The following SCAI variants were observed in gnomAD, a reference collection of about 807,000 sequenced individuals.
SCAI encodes suppressor of cancer cell invasion.
In SCAI, 24 loss-of-function variants were observed where a neutral mutation model predicts 92.2. The observed-to-expected ratio is 0.26, with a 90% CI of 0.19 to 0.37. The LOEUF (loss-of-function observed/expected upper bound fraction) is 0.37, where lower values mean the gene tolerates loss of function less well. Ranked by LOEUF, SCAI falls within the 10% of genes least tolerant of loss-of-function variation. The pLI, the probability that SCAI is intolerant of heterozygous loss-of-function variation, is 1.00. For synonymous variants in SCAI, 261 were observed against 258.6 expected (o/e 1.01, Z -0.09); for missense variants, 450 against 736.2 (o/e 0.61, Z 4.50).
chr9:125,061,894 GA>G (rs1298439400), intron 2 of SCAI, among the ~76,000 whole-genome samples: 7 of 151,794 alleles, frequency 4.6e-5, no homozygotes, highest in Admixed American at 4.6e-4. Flanking sequence ...AGAGATATAG[GA>G]AAAAAATATA....
chr9:124,961,507 G>A (rs564608387), intron 17 of SCAI, among the ~76,000 whole-genome samples: 6 of 151,590 alleles, frequency 4.0e-5, no homozygotes, highest in Non-Finnish European at 7.4e-5. Flanking sequence ...AAAATTAGCT[G>A]GGCGTGGTGG....
intron 9 of SCAI, among the ~76,000 whole-genome samples, chr9:125,012,609 A>G (rs1832662436): frequency 6.6e-6 from 1 of 152,042 alleles, no homozygotes; most frequent in Non-Finnish European, 1.5e-5. Flanking sequence ...TGTCAACATT[A>G]GACAGATCAA....
intron 9 of SCAI, among the ~76,000 whole-genome samples, chr9:125,011,952 A>T (rs868285128): frequency 5.3e-5 from 8 of 152,318 alleles, no homozygotes; most frequent in African/African-American, 1.4e-4. Context: ...GTGAAGGAGA[A>T]ATAAAATACT....
At chr9:125,064,632 G>T (rs1833840812) in intron 2 of SCAI, among the ~76,000 whole-genome samples, 1 of 152,002 alleles carries the variant, frequency 6.6e-6, no homozygotes, top group Admixed American at 6.6e-5. Context: ...GATCACCTGG[G>T]GTCAGGAGTT....
intron 17 of SCAI, among the ~76,000 whole-genome samples, chr9:124,962,093 C>G (rs1831447013): frequency 6.8e-6 from 1 of 147,344 alleles, no homozygotes; most frequent in African/African-American, 2.5e-5. Flanking sequence ...AGATCCTTCA[C>G]TTTCCTTTTG....
intron 5 of SCAI, 25 bp from the exon 6 acceptor site, chr9:125,026,935 A>C: frequency 7.3e-7 from 1 of 1,361,528 alleles, no homozygotes. Context: ...ATATTTTTAA[A>C]TATGACAGTG....
rs77222106 is a variant in SCAI, at chr9:125,076,359, C to T, written c.99-20352G>A. 0.018 allele frequency among the ~76,000 whole-genome samples: 2,750 copies of T among 151,698 alleles called. 155 individuals are homozygous for T. The East Asian group carries it at 0.22, about 12-fold the overall frequency. ...ACTAAAAATACAATAATTAGCCAGG[C>T]GTGGTGGCACGCGCCTGTAATCCCA... On this transcript the variant is annotated intron_variant, in intron 2 of 17. Coordinates refer to ENST00000336505, the MANE Select transcript of SCAI (RefSeq NM_001144877.3).
At chr9:124,965,210 C>G (rs1288210822) in intron 17 of SCAI, among the ~76,000 whole-genome samples, 1 of 152,052 alleles carries the variant, frequency 6.6e-6, no homozygotes, top group Non-Finnish European at 1.5e-5. Context: ...TGCTTTTTCT[C>G]AAATCATAAT....
chr9:125,066,942 C>T (rs1251777983), intron 2 of SCAI, among the ~76,000 whole-genome samples: 5 of 152,134 alleles, frequency 3.3e-5, no homozygotes. Flanking sequence ...ACAGGCTATA[C>T]CGTGAAGCCT....
chr9:125,111,074 A>C (rs2131231975), intron 2 of SCAI, among the ~76,000 whole-genome samples: 1 of 152,346 alleles, frequency 6.6e-6, no homozygotes, highest in Non-Finnish European at 1.5e-5. Flanking sequence ...AAACCTGAAG[A>C]AGGGCAGTGT....
At chr9:124,953,906 T>A (rs1831273620) in intron 17 of SCAI, among the ~76,000 whole-genome samples, 1 of 152,222 alleles carries the variant, frequency 6.6e-6, no homozygotes, top group Non-Finnish European at 1.5e-5. Context: ...AAAATCTCAC[T>A]GTGTTGCCCA....
chr9:125,085,201 T>C (rs1834302254), intron 2 of SCAI, among the ~76,000 whole-genome samples: 1 of 152,104 alleles, frequency 6.6e-6, no homozygotes, highest in Non-Finnish European at 1.5e-5. Flanking sequence ...TAAAATCAAA[T>C]AACAGACGGG....
chr9:124,973,570 C>T (rs1377505745), intron 15 of SCAI, among the ~76,000 whole-genome samples: 2 of 152,190 alleles, frequency 1.3e-5, no homozygotes, highest in African/African-American at 4.8e-5. Context: ...CGGTGGCTCA[C>T]GCCTGTAATC....
At chr9:125,038,874 C>A (rs921373355) in intron 3 of SCAI, among the ~76,000 whole-genome samples, 1 of 152,206 alleles carries the variant, frequency 6.6e-6, no homozygotes, top group Admixed American at 6.5e-5. Context: ...TCCTGAACAT[C>A]TTTCTTGCTT....
At chr9:124,975,177 G>C in intron 15 of SCAI, 1 of 352,058 alleles carries the variant, frequency 2.8e-6, no homozygotes, top group Admixed American at 3.7e-5. Context: ...CTATCCCTTA[G>C]TAATTTTACT....
At chr9:125,104,240 T>C (rs1355390627) in intron 2 of SCAI, among the ~76,000 whole-genome samples, 1 of 152,186 alleles carries the variant, frequency 6.6e-6, no homozygotes. Context: ...TTCTTCCTAT[T>C]ATATTAAAAC....
rs1253515153 is a variant in SCAI at position 124,946,929 on chromosome 9, A to AC, written c.*5877dup. The AC allele has an allele frequency of 6.6e-6, 1 of 152,188 alleles. No homozygotes were observed. Among genetic ancestry groups the AC allele is most frequent in the Non-Finnish European group, 1.5e-5 (1 of 68,044 alleles). 9.4% of individuals were successfully genotyped at this position (152,188 alleles called of 1,614,324 possible). On this transcript the variant is annotated 3_prime_UTR_variant, in exon 18 of 18. Transcript: ENST00000336505. This position sits in a 1 kb window ranked among gnomAD's most constrained non-coding sequence, Gnocchi z 4.0. Reference sequence around the variant, plus strand: ...AAAATCTGTAGCCGGAAATGCCAAGACAGGACTAAATTAATCATAGCTGCT... The same window carrying AC: ...AAAATCTGTAGCCGGAAATGCCAAGACCAGGACTAAATTAATCATAGCTGCT...
chr9:125,017,931 C>T (rs187311113), intron 9 of SCAI, among the ~76,000 whole-genome samples: 80 of 151,802 alleles, frequency 5.3e-4, no homozygotes, highest in African/African-American at 1.9e-3. Context: ...ATCGCTTGAA[C>T]CTGGGAGATG....
At chr9:124,965,383 G>A (rs1286796202) in intron 17 of SCAI, among the ~76,000 whole-genome samples, 1 of 151,982 alleles carries the variant, frequency 6.6e-6, no homozygotes, top group Non-Finnish European at 1.5e-5. Context: ...ACAGGCTCAC[G>A]CCACGACGCC....
Sources: allele counts gnomAD v4.1 joint callset (sites outside exome capture counted in the v4.1 genomes callset), GRCh38; gene constraint gnomAD v4.1.1; non-coding constraint Gnocchi (gnomAD v3.1); transcripts MANE v1.5; gene names NCBI Gene and HGNC (gene_info 2026-07-23, HGNC 2026-07-21).